The following TMEM65 variants were observed in gnomAD, a reference collection of about 807,000 sequenced individuals.
TMEM65 encodes the protein transmembrane protein 65.
In TMEM65, 22 loss-of-function variants were observed where a neutral mutation model predicts 25.4. That is an observed-to-expected ratio of 0.86 (90% CI 0.62 to 1.23). The LOEUF (loss-of-function observed/expected upper bound fraction) is 1.23. Ranked by LOEUF, TMEM65 falls within the 50% of genes most tolerant of loss-of-function variation. TMEM65 has a pLI of 0.00. For synonymous variants in TMEM65, 132 were observed against 126.2 expected, an observed-to-expected ratio of 1.05 and a Z score of -0.31; for missense variants, 262 against 308.2, an observed-to-expected ratio of 0.85 and a Z score of 1.12.
At chr8:124,347,507 G>T (rs1457173489) in intron 1 of TMEM65, among the ~76,000 whole-genome samples, 3 of 152,122 alleles carry the variant, frequency 2.0e-5, no homozygotes, top group Non-Finnish European at 4.4e-5. Context: ...CAGGTGATGG[G>T]TACACCAAAA....
Position 124,313,666 on chromosome 8 carries a change from C to T in TMEM65, c.*294G>A, listed in dbSNP as rs1048423585. On this transcript the variant is annotated 3_prime_UTR_variant, in exon 7 of 7. Transcript: ENST00000297632. ...CAAATAAGCAAACCCCAAGTCAATA[C>T]AGTACATCAATGACACTTAAATAAC... 1.6e-5 allele frequency: 4 copies of T among 253,910 alleles called. No homozygotes were observed. The highest frequency in any genetic ancestry group is 3.0e-5 in the Non-Finnish European group (4 of 134,214). The allele number at this position is 253,910 out of a possible 1,614,324, so 15.7% of individuals were successfully genotyped here. A position where few individuals can be genotyped will look rare whatever the true frequency, so the allele number is the denominator to read the frequency against.
chr8:124,349,183 A>C (rs1313521561), intron 1 of TMEM65, among the ~76,000 whole-genome samples: 1 of 152,206 alleles, frequency 6.6e-6, no homozygotes, highest in Admixed American at 6.5e-5. Flanking sequence ...AAGAACCAAG[A>C]ATCAATTGTA....
intron 6 of TMEM65, among the ~76,000 whole-genome samples, chr8:124,317,411 G>T (rs6990925): frequency 0.086 from 13,138 of 152,088 alleles, 629 homozygotes; most frequent in East Asian, 0.15. Flanking sequence ...AAGAGGAATT[G>T]GTTATCATTC....
intron 1 of TMEM65, among the ~76,000 whole-genome samples, chr8:124,335,065 A>C (rs902570525): frequency 6.6e-6 from 1 of 152,202 alleles, no homozygotes; most frequent in Non-Finnish European, 1.5e-5. Flanking sequence ...CAAATTTCCC[A>C]AATTTAGTGC....
intron 6 of TMEM65, among the ~76,000 whole-genome samples, chr8:124,316,991 T>C (rs1814245426): frequency 6.6e-6 from 1 of 152,206 alleles, no homozygotes; most frequent in Non-Finnish European, 1.5e-5. Context: ...TACATTTTGA[T>C]TGAAAAGCAA....
At chr8:124,358,012 T>C (rs1358075116) in intron 1 of TMEM65, among the ~76,000 whole-genome samples, 1 of 151,850 alleles carries the variant, frequency 6.6e-6, no homozygotes, top group Non-Finnish European at 1.5e-5. Flanking sequence ...GTATTTTCAG[T>C]AGAGACACGG....
intron 6 of TMEM65, among the ~76,000 whole-genome samples, chr8:124,317,457 T>C: frequency 6.6e-6 from 1 of 152,206 alleles, no homozygotes. Context: ...ATAGCTCCCA[T>C]AAGACTATGA....
intron 1 of TMEM65, among the ~76,000 whole-genome samples, chr8:124,366,351 A>G (rs1462747481): frequency 6.6e-6 from 1 of 152,218 alleles, no homozygotes; most frequent in Non-Finnish European, 1.5e-5. Context: ...GGCCACATCC[A>G]TCTCCTTGGG....
chr8:124,323,268 GA>G, intron 4 of TMEM65, 52 bp downstream of exon 4: 1 of 1,009,178 alleles, frequency 9.9e-7, no homozygotes, highest in Non-Finnish European at 1.5e-6. Flanking sequence ...TTAATCTACT[GA>G]AATGTTTTAT....
At chr8:124,327,025 A>G (rs765139860) in intron 3 of TMEM65, among the ~76,000 whole-genome samples, 1 of 152,042 alleles carries the variant, frequency 6.6e-6, no homozygotes, top group East Asian at 1.9e-4. Flanking sequence ...ATAATTGCCA[A>G]CACCATTAAA....
At chr8:124,350,973 A>G (rs1814699104) in intron 1 of TMEM65, 2 of 985,210 alleles carry the variant, frequency 2.0e-6, no homozygotes, top group Non-Finnish European at 2.4e-6. Context: ...ATTTCAAACA[A>G]GCAAGAAGTT....
chr8:124,330,095 A>G (rs984559128), intron 2 of TMEM65, among the ~76,000 whole-genome samples: 12 of 151,982 alleles, frequency 7.9e-5, no homozygotes, highest in African/African-American at 2.9e-4. Flanking sequence ...ACACTATTCT[A>G]TAACTTGCCA....
intron 1 of TMEM65, among the ~76,000 whole-genome samples, chr8:124,363,600 G>A (rs1048593408): frequency 2.0e-5 from 3 of 152,032 alleles, no homozygotes; most frequent in Non-Finnish European, 2.9e-5. Context: ...CACTTTGGGA[G>A]GCCGAGGCGG....
chr8:124,324,179 A>T (rs116063095), intron 3 of TMEM65, among the ~76,000 whole-genome samples: 1,681 of 152,212 alleles, frequency 0.011, 28 homozygotes, highest in African/African-American at 0.036. Context: ...TTGAATACTG[A>T]TGCTTGAACA....
intron 1 of TMEM65, among the ~76,000 whole-genome samples, chr8:124,361,390 G>T (rs1334426778): frequency 6.7e-6 from 1 of 150,066 alleles, no homozygotes; most frequent in East Asian, 2.0e-4. Context: ...AGCCGAGACT[G>T]CGCCATTGCA....
At chr8:124,354,314 T>C (rs1393015130) in intron 1 of TMEM65, among the ~76,000 whole-genome samples, 6 of 152,158 alleles carry the variant, frequency 3.9e-5, no homozygotes, top group Non-Finnish European at 5.9e-5. Flanking sequence ...ACTGAGATAA[T>C]TGGTGGAATT....
intron 1 of TMEM65, among the ~76,000 whole-genome samples, chr8:124,362,861 C>G (rs1283810570): frequency 2.0e-5 from 3 of 151,870 alleles, no homozygotes; most frequent in African/African-American, 7.3e-5. Context: ...GTTTGTTTAC[C>G]TTTTAAGTAA....
intron 1 of TMEM65, among the ~76,000 whole-genome samples, chr8:124,361,333 G>A (rs1021741592): frequency 1.3e-5 from 2 of 151,848 alleles, no homozygotes; most frequent in Non-Finnish European, 2.9e-5. Flanking sequence ...TACTCCAGAG[G>A]CTGAGGCAGG....
At chr8:124,321,429 A>G (rs1420912960) in intron 5 of TMEM65, among the ~76,000 whole-genome samples, 2 of 152,136 alleles carry the variant, frequency 1.3e-5, no homozygotes, top group African/African-American at 4.8e-5. Flanking sequence ...GGCTTCCCCA[A>G]GCTCAGGAAG....
Sources: allele counts gnomAD v4.1 joint callset (sites outside exome capture counted in the v4.1 genomes callset), GRCh38; gene constraint gnomAD v4.1.1; transcripts MANE v1.5; gene names NCBI Gene and HGNC (gene_info 2026-07-23, HGNC 2026-07-21).